The following APBA1 variants were observed in gnomAD, a reference collection of about 807,000 sequenced individuals.
The protein encoded by APBA1 is amyloid beta precursor protein binding family A member 1.
APBA1 carries 55 observed loss-of-function variants against 86.6 expected under a neutral mutation model. The ratio of observed to expected loss-of-function variants is 0.64; its 90% confidence interval spans 0.51 to 0.80. The LOEUF is 0.80. APBA1 is among the 30% of genes least tolerant of loss of function. The pLI, the probability that APBA1 is intolerant of heterozygous loss-of-function variation, is 0.00. For synonymous variants in APBA1, 511 were observed against 493.9 expected (o/e 1.03, Z -0.46); for missense variants, 1,090 against 1,183.0 (o/e 0.92, Z 1.15).
chr9:69,502,954 T>C (rs769390904), intron 2 of APBA1, among the ~76,000 whole-genome samples: 58 of 152,164 alleles, frequency 3.8e-4, no homozygotes, highest in Admixed American at 5.9e-4. Flanking sequence ...TCACCTTAAG[T>C]AGTACAGCCC....
At chr9:69,587,464 C>T (rs964791309) in intron 1 of APBA1, among the ~76,000 whole-genome samples, 3 of 152,196 alleles carry the variant, frequency 2.0e-5, no homozygotes, top group African/African-American at 7.2e-5. Context: ...CACACTTGGA[C>T]TTTCAGTTAC....
At chr9:69,523,520 T>TATATAC (rs1836295253) in intron 1 of APBA1, among the ~76,000 whole-genome samples, 2 of 34,052 alleles carry the variant, frequency 5.9e-5, no homozygotes, top group African/African-American at 1.6e-4. Context: ...TATATATATA[T>TATATAC]ATATATATAT....
intron 10 of APBA1, among the ~76,000 whole-genome samples, 154 bp from the exon 11 acceptor site, chr9:69,441,269 C>T (rs549419753): frequency 3.3e-5 from 5 of 152,198 alleles, no homozygotes; most frequent in Non-Finnish European, 5.9e-5. Flanking sequence ...TGGGCTGGTA[C>T]AGTCACTGCT....
chr9:69,453,715 C>A (rs1286859625), intron 8 of APBA1, among the ~76,000 whole-genome samples: 5 of 152,208 alleles, frequency 3.3e-5, no homozygotes, highest in Non-Finnish European at 5.9e-5. Flanking sequence ...TGTGCCATAA[C>A]CCCCTGACGG....
chr9:69,538,995 T>C (rs1202433301), intron 1 of APBA1, among the ~76,000 whole-genome samples: 1 of 152,208 alleles, frequency 6.6e-6, no homozygotes, highest in Non-Finnish European at 1.5e-5. Flanking sequence ...CACACACTTG[T>C]TCTCAAAGCA....
chr9:69,642,305 G>C (rs558653098), intron 1 of APBA1, among the ~76,000 whole-genome samples: 6 of 152,194 alleles, frequency 3.9e-5, no homozygotes, highest in Non-Finnish European at 7.4e-5. Flanking sequence ...ATAACCAAAA[G>C]ATTTAAACAG....
chr9:69,455,396 G>A (rs570626247), intron 8 of APBA1, among the ~76,000 whole-genome samples: 4 of 152,234 alleles, frequency 2.6e-5, no homozygotes, highest in South Asian at 2.1e-4. Flanking sequence ...ATGGTGCGGG[G>A]AGGTAGGGGA....
At chr9:69,668,401 A>G (rs1823882988) in intron 1 of APBA1, among the ~76,000 whole-genome samples, 1 of 152,126 alleles carries the variant, frequency 6.6e-6, no homozygotes, top group African/African-American at 2.4e-5. Flanking sequence ...AGCTCCTCAG[A>G]TAATTCCCGC....
intron 7 of APBA1, 52 bp downstream of exon 7, chr9:69,457,001 A>G: frequency 2.1e-6 from 3 of 1,461,494 alleles, no homozygotes; most frequent in Non-Finnish European, 2.9e-6. Flanking sequence ...TGCATCTCTG[A>G]GTTACGATGT....
chr9:69,476,898 C>A (rs1835456924), intron 2 of APBA1, among the ~76,000 whole-genome samples: 1 of 152,206 alleles, frequency 6.6e-6, no homozygotes, highest in Non-Finnish European at 1.5e-5. Context: ...GTATAGGAAG[C>A]TCCCAGGTCA....
At chr9:69,464,799 C>T (rs1298123992) in intron 5 of APBA1, 1 of 152,202 alleles carries the variant, frequency 6.6e-6, no homozygotes, top group East Asian at 1.9e-4. Flanking sequence ...CGCTTTTTCC[C>T]TGTAAGGCCA....
At chr9:69,540,352 A>AT (rs895152643) in intron 1 of APBA1, among the ~76,000 whole-genome samples, 17 of 151,402 alleles carry the variant, frequency 1.1e-4, no homozygotes, top group African/African-American at 3.4e-4. Context: ...TGCTCAGTAC[A>AT]TTTTTTTTTA....
At chr9:69,506,110 G>C (rs966942537) in intron 2 of APBA1, among the ~76,000 whole-genome samples, 8 of 151,904 alleles carry the variant, frequency 5.3e-5, no homozygotes, top group African/African-American at 1.9e-4. Context: ...CCCAGCGAGA[G>C]CGACACAGAA....
At chr9:69,498,082 C>T (rs1199754239) in intron 2 of APBA1, among the ~76,000 whole-genome samples, 6 of 152,156 alleles carry the variant, frequency 3.9e-5, no homozygotes, top group South Asian at 4.2e-4. Context: ...GGAGGGAGCA[C>T]GGCTGAGTGA....
At chr9:69,434,634 G>A (rs1175113440) in intron 11 of APBA1, among the ~76,000 whole-genome samples, 1 of 151,382 alleles carries the variant, frequency 6.6e-6, no homozygotes, top group Non-Finnish European at 1.5e-5. Flanking sequence ...TTGAACCCAG[G>A]AGGTGGAGGT....
intron 2 of APBA1, among the ~76,000 whole-genome samples, chr9:69,488,228 G>T (rs552810354): frequency 6.6e-6 from 1 of 152,098 alleles, no homozygotes; most frequent in East Asian, 1.9e-4. Context: ...TATTTTTAAT[G>T]AAATGTTTCT....
intron 1 of APBA1, among the ~76,000 whole-genome samples, chr9:69,662,561 A>G (rs1823772936): frequency 6.6e-6 from 1 of 152,144 alleles, no homozygotes; most frequent in Non-Finnish European, 1.5e-5. Flanking sequence ...TTAGGAGAGA[A>G]CTCTTCCAGG....
At chr9:69,517,548 C>T (rs557104358) in intron 1 of APBA1, among the ~76,000 whole-genome samples, 1 of 152,298 alleles carries the variant, frequency 6.6e-6, no homozygotes, top group Admixed American at 6.5e-5. Context: ...TTCTCCACCA[C>T]GCATACGATT....
At chr9:69,599,831 T>C (rs1384795820) in intron 1 of APBA1, among the ~76,000 whole-genome samples, 1 of 152,154 alleles carries the variant, frequency 6.6e-6, no homozygotes, top group African/African-American at 2.4e-5. Context: ...GGCTGCCAAA[T>C]GTTAAGAACC....
Sources: allele counts gnomAD v4.1 joint callset (sites outside exome capture counted in the v4.1 genomes callset), GRCh38; gene constraint gnomAD v4.1.1; transcripts MANE v1.5; gene names NCBI Gene and HGNC (gene_info 2026-07-23, HGNC 2026-07-21).